The following CYTH4 variants were observed in gnomAD, a reference collection of about 807,000 sequenced individuals.
The protein encoded by CYTH4 is cytohesin-4.
CYTH4 carries 22 observed loss-of-function variants against 57.5 expected under a neutral mutation model. The ratio of observed to expected loss-of-function variants is 0.38; its 90% CI spans 0.27 to 0.55. The LOEUF is 0.55. CYTH4 is among the 20% of genes least tolerant of loss of function. The pLI is 0.74. For synonymous variants in CYTH4, 186 were observed against 206.5 expected, an observed-to-expected ratio of 0.90 and a Z score of 0.85; for missense variants, 420 against 535.6, an observed-to-expected ratio of 0.78 and a Z score of 2.13.
intron 1 of CYTH4, among the ~76,000 whole-genome samples, chr22:37,283,556 C>T (rs952568423): frequency 4.6e-5 from 7 of 152,132 alleles, no homozygotes; most frequent in African/African-American, 1.7e-4. Context: ...CTGGGCATCC[C>T]CCTTCCTCCC....
chr22:37,293,419 G>A lies in CYTH4; in HGVS notation c.102+716G>A, dbSNP rs150434553. ...CCCATGATCCCAGCCCCACCAGACT[G>A]TGCCCTCCATGAACACAGAGCCGAG... is the stretch of plus-strand genomic sequence containing the variant. On this transcript the variant is annotated intron_variant, in intron 2 of 12. Coordinates refer to ENST00000248901, the MANE Select transcript of CYTH4 (RefSeq NM_013385.5). Among the ~76,000 whole-genome samples, 60 of 152,318 alleles carry A rather than the reference G, an allele frequency of 3.9e-4. No homozygotes were observed. In the East Asian group the frequency reaches 0.01, roughly 26 times the overall value.
In CYTH4 at chr22:37,308,249, C is replaced by T. The variant is rs115840487; in HGVS notation, c.697-963C>T. Among the ~76,000 whole-genome samples the T allele has an allele frequency of 8.1e-3, 1,230 of 152,364 alleles. 9 individuals carry two copies. Among genetic ancestry groups the T allele is most frequent in the African/African-American group, 0.026 (1,075 of 41,584 alleles). ...CCTAAGCAGGAGAGGACCCTCCTCC[C>T]ATGGCTTTTGCCAAGGTTGCTGTGC... On this transcript the variant is annotated intron_variant, in intron 8 of 12. Coordinates refer to ENST00000248901, the MANE Select transcript of CYTH4 (RefSeq NM_013385.5).
At chr22:37,301,189 C>T (rs1929165672) in intron 7 of CYTH4, among the ~76,000 whole-genome samples, 170 bp downstream of exon 7, 1 of 152,208 alleles carries the variant, frequency 6.6e-6, no homozygotes, top group African/African-American at 2.4e-5. Flanking sequence ...GCTTGTCTGA[C>T]AGAGCTGCCT....
intron 1 of CYTH4, among the ~76,000 whole-genome samples, chr22:37,289,779 AC>A (rs1928685729): frequency 6.6e-6 from 1 of 152,116 alleles, no homozygotes; most frequent in African/African-American, 2.4e-5. Flanking sequence ...CTCTATCTCT[AC>A]CAGGACCCGG....
chr22:37,292,812 T>C, intron 2 of CYTH4, 109 bp downstream of exon 2: 1 of 1,113,766 alleles, frequency 9.0e-7, no homozygotes, highest in Non-Finnish European at 1.3e-6. Flanking sequence ...TGTGGCCAAC[T>C]CTGGCTCATA....
Position 37,314,598 on chromosome 22 carries a change from C to T in CYTH4, c.*1087C>T, listed in dbSNP as rs992318896. ...CCCATGGTGATAAAGGGCAGCCCGG[C>T]GGGTCCCAGCATCTCGAGACCCTCT... is the stretch of plus-strand genomic sequence containing the variant. On this transcript the variant is annotated 3_prime_UTR_variant, in exon 13 of 13. Coordinates refer to ENST00000248901, the MANE Select transcript of CYTH4 (RefSeq NM_013385.5). The T allele has an allele frequency of 7.6e-5, 30 of 394,822 alleles. No homozygotes were observed. The highest frequency in any genetic ancestry group is 1.4e-4 in the South Asian group (1 of 7,002). 24.5% of individuals were successfully genotyped at this position (394,822 alleles called of 1,614,324 possible).
intron 1 of CYTH4, among the ~76,000 whole-genome samples, chr22:37,285,096 G>A (rs762360947): frequency 6.6e-6 from 1 of 152,216 alleles, no homozygotes; most frequent in Non-Finnish European, 1.5e-5. Flanking sequence ...GCCCTGAGAT[G>A]GCATCCTCCT....
rs1464670045 is a variant in CYTH4 at position 37,314,091 on chromosome 22, G to A, written c.*580G>A. ...CCCGGGAGCACTGCCCTAGGAGCCC[G>A]GACCCCACGAGCTCAGTCCCAGCTC... On this transcript the variant is annotated 3_prime_UTR_variant, in exon 13 of 13. Transcript: ENST00000248901. The A allele has an allele frequency of 5.8e-6, 2 of 345,538 alleles. No individual in the cohort carries two copies. The highest frequency in any genetic ancestry group is 1.0e-5 in the Non-Finnish European group (2 of 192,750). 21.4% of individuals were successfully genotyped at this position (345,538 alleles called of 1,614,324 possible). A position where few individuals can be genotyped will look rare whatever the true frequency, so the allele number is the denominator to read the frequency against.
At chr22:37,297,979 C>A in intron 5 of CYTH4, 1 of 254,020 alleles carries the variant, frequency 3.9e-6, no homozygotes, top group Non-Finnish European at 7.8e-6. Context: ...TCAGGAAGTC[C>A]ATGCTAGTGG....
chr22:37,304,245 C>G (rs772443828), intron 8 of CYTH4: 7 of 456,468 alleles, frequency 1.5e-5, no homozygotes, highest in Non-Finnish European at 4.4e-6. Context: ...AGAACGGAGG[C>G]GTGTCCTGAT....
intron 6 of CYTH4, 65 bp from the exon 7 acceptor site, chr22:37,300,842 G>A: frequency 7.5e-7 from 1 of 1,336,162 alleles, no homozygotes; most frequent in Middle Eastern, 1.8e-4. Context: ...GAGAGGCAGG[G>A]CAGCTTGTCT....
At chr22:37,297,070 T>C (rs1928999865) in intron 4 of CYTH4, among the ~76,000 whole-genome samples, 1 of 152,234 alleles carries the variant, frequency 6.6e-6, no homozygotes, top group Non-Finnish European at 1.5e-5. Flanking sequence ...GTCACCACGA[T>C]GGAAGCTGTC....
At chr22:37,306,926 T>C (rs1210485205) in intron 8 of CYTH4, among the ~76,000 whole-genome samples, 2 of 152,242 alleles carry the variant, frequency 1.3e-5, no homozygotes, top group African/African-American at 4.8e-5. Context: ...TGAAATGCTC[T>C]AATCAGCCAG....
Position 37,297,643 on chromosome 22 carries a change from G to T in CYTH4, c.314G>T (p.Gly105Val). 1 of 1,613,964 alleles carries T rather than the reference G, an allele frequency of 6.2e-7. No individual in the cohort carries two copies. Among genetic ancestry groups the T allele is most frequent in the Non-Finnish European group, 8.5e-7 (1 of 1,179,886 alleles). Reference sequence around the variant, plus strand: ...GCACGGTTCCTGTATAAAGGCGAGGGCCTCAACAAGACAGCCATTGGTACC... The same window carrying T: ...GCACGGTTCCTGTATAAAGGCGAGGTCCTCAACAAGACAGCCATTGGTACC... ...DIARFLYKGE[G>V]LNKTAIGTYL... Residue 105 changes from glycine to valine, a missense_variant, in exon 5 of 13, where the codon GGC becomes GTC. Gly to Val is a moderately radical substitution (Grantham distance 109). Coordinates refer to ENST00000248901, the MANE Select transcript of CYTH4 (RefSeq NM_013385.5).
rs544910795 is a variant in CYTH4 at position 37,301,003 on chromosome 22, C to T, written c.531C>T (p.Gly177=). The T allele has an allele frequency of 6.8e-6, 11 of 1,613,970 alleles. No homozygotes were observed. The highest frequency in any genetic ancestry group is 4.5e-5 in the East Asian group (2 of 44,898). The change falls in exon 7 of 13, where the codon GGC becomes GGT. Residue 177 remains glycine (G), a synonymous_variant. Transcript: ENST00000248901. ...CTCGATACTGCCTCTGCAACCCAGGCGTCTTCCAGTCCACAGGTGCCAGGA... is the reference window on the plus strand; with the variant it reads ...CTCGATACTGCCTCTGCAACCCAGGTGTCTTCCAGTCCACAGGTGCCAGGA... ...FATRYCLCNP[G]VFQSTDTCYV...
chr22:37,308,597 A>C (rs981847405), intron 8 of CYTH4, among the ~76,000 whole-genome samples: 8 of 141,346 alleles, frequency 5.7e-5, no homozygotes, highest in African/African-American at 2.1e-4. Flanking sequence ...TATGTGTCTG[A>C]GTGTGCATGT....
Position 37,295,913 on chromosome 22 carries a change from C to T in CYTH4, c.168-86C>T. 1 of 1,425,586 alleles carries T rather than the reference C, an allele frequency of 7.0e-7. No homozygotes were observed. Among genetic ancestry groups the T allele is most frequent in the Non-Finnish European group, 9.7e-7 (1 of 1,030,526 alleles). The allele number at this position is 1,425,586 out of a possible 1,614,324, so 88.3% of individuals were successfully genotyped here. ...TTGGAGGGCCCTAGAGGGGTATGGG[C>T]TCCTGCTGAGGCAAGGGTCCTTGGG... On this transcript the variant is annotated intron_variant, in intron 3 of 12. Transcript: ENST00000248901. This position sits in a 1 kb window ranked among gnomAD's most constrained non-coding sequence, Gnocchi z 4.1.
intron 1 of CYTH4, among the ~76,000 whole-genome samples, chr22:37,291,953 G>T (rs1424750849): frequency 6.6e-6 from 1 of 152,178 alleles, no homozygotes; most frequent in African/African-American, 2.4e-5. Flanking sequence ...CCTGTGGGTT[G>T]AGTCACCTCA....
intron 9 of CYTH4, 141 bp from the exon 10 acceptor site, chr22:37,310,847 T>G (rs1929610184): frequency 1.3e-6 from 1 of 747,718 alleles, no homozygotes; most frequent in Non-Finnish European, 2.3e-6. Flanking sequence ...GGATAGATGT[T>G]GGGGGGAGGT....
Sources: gnomAD v4.1 joint callset for allele counts (sites outside exome capture counted in the v4.1 genomes callset) on GRCh38, gnomAD v4.1.1 for gene constraint, Gnocchi (gnomAD v3.1) non-coding constraint, MANE v1.5 for transcripts, NCBI Gene and HGNC (gene_info 2026-07-23, HGNC 2026-07-21) for gene names.